The following ZNF420 variants were observed in gnomAD, a reference collection of about 807,000 sequenced individuals.
ZNF420 encodes ATM and p53-associated KZNF protein.
A neutral mutation model predicts 44.7 loss-of-function variants in ZNF420; 31 were observed. The ratio of observed to expected loss-of-function variants is 0.69; its 90% CI spans 0.52 to 0.94. The LOEUF (loss-of-function observed/expected upper bound fraction) is 0.94, where lower values mean the gene tolerates loss of function less well. ZNF420 is among the 40% of genes least tolerant of loss of function. ZNF420 has a pLI of 0.00. For missense variants in ZNF420, 681 were observed against 827.9 expected (o/e 0.82, Z 2.18); for synonymous variants, 245 against 267.4 (o/e 0.92, Z 0.82).
intron 4 of ZNF420, among the ~76,000 whole-genome samples, chr19:37,120,613 T>C (rs975739033): frequency 6.6e-6 from 1 of 152,102 alleles, no homozygotes; most frequent in Non-Finnish European, 1.5e-5. Context: ...AGTGTTGGAA[T>C]TTCTGGCCAG....
At position 37,069,061 on chromosome 19, in the gene ZNF420, T is replaced by G. The variant is rs1018894719; in HGVS notation, c.-124-11284T>G. ...ATAAAAGAGATACAATCAGTAAGAT[T>G]ATAGATTTCAACAAAAATTACAACT... On this transcript the variant is annotated intron_variant, in intron 1 of 4. Coordinates refer to the ZNF420 transcript ENST00000587029. Among the ~76,000 whole-genome samples the G allele has an allele frequency of 5.3e-5, 8 of 152,198 alleles. No homozygotes were observed. The East Asian group carries it at 1.5e-3, about 29-fold the overall frequency.
intron 4 of ZNF420, among the ~76,000 whole-genome samples, chr19:37,114,185 C>T (rs1041195818): frequency 6.6e-6 from 1 of 152,126 alleles, no homozygotes; most frequent in South Asian, 2.1e-4. Context: ...TTATGTAATG[C>T]ACTACCCTGT....
At chr19:37,096,105 T>C (rs1969439744) in intron 4 of ZNF420, 1 of 152,260 alleles carries the variant, frequency 6.6e-6, no homozygotes, top group Admixed American at 6.5e-5. Context: ...TGTTTCATTG[T>C]TATTCCTTTT....
At chr19:37,103,763 T>C (rs905930059) in intron 4 of ZNF420, among the ~76,000 whole-genome samples, 1 of 152,190 alleles carries the variant, frequency 6.6e-6, no homozygotes, top group African/African-American at 2.4e-5. Flanking sequence ...CTTTGTCTCT[T>C]CTAACATGAA....
chr19:37,044,663 C>T (rs982147742), intron 1 of ZNF420, among the ~76,000 whole-genome samples: 13 of 151,968 alleles, frequency 8.6e-5, no homozygotes, highest in African/African-American at 2.7e-4. Flanking sequence ...GTCAGGAGTT[C>T]GAGACCAGCC....
chr19:37,049,066 A>G (rs1267375784), intron 1 of ZNF420, among the ~76,000 whole-genome samples: 1 of 151,356 alleles, frequency 6.6e-6, no homozygotes, highest in East Asian at 1.9e-4. Context: ...TTATGGCTGC[A>G]TAGTATTCCA....
At chr19:37,076,563 T>C (rs1968159291), upstream of ZNF420, among the ~76,000 whole-genome samples, 1 of 152,120 alleles carries the variant, frequency 6.6e-6, no homozygotes, top group Admixed American at 6.5e-5. Context: ...GTGATGTTCC[T>C]TACCCTGTGT....
intron 1 of ZNF420, among the ~76,000 whole-genome samples, chr19:37,011,774 C>T (rs2074571060): frequency 6.6e-6 from 1 of 152,086 alleles, no homozygotes; most frequent in Non-Finnish European, 1.5e-5. Flanking sequence ...GACACACACT[C>T]ACCCCATCTG....
intron 4 of ZNF420, among the ~76,000 whole-genome samples, chr19:37,111,926 C>T (rs1042947676): frequency 6.6e-6 from 1 of 152,038 alleles, no homozygotes; most frequent in Non-Finnish European, 1.5e-5. Flanking sequence ...CATTTACGGC[C>T]CTTAAGTCAG....
At chr19:37,023,664 C>T (rs769494282) in intron 1 of ZNF420, among the ~76,000 whole-genome samples, 1 of 152,104 alleles carries the variant, frequency 6.6e-6, no homozygotes, top group Non-Finnish European at 1.5e-5. Context: ...CTGTGCCCAG[C>T]CCAAAAGAGG....
chr19:37,082,422 C>G (rs1968519534), intron 2 of ZNF420, among the ~76,000 whole-genome samples: 1 of 152,206 alleles, frequency 6.6e-6, no homozygotes, highest in South Asian at 2.1e-4. Flanking sequence ...GCCTCGGCCT[C>G]CCAAATTTCT....
intron 2 of ZNF420, among the ~76,000 whole-genome samples, chr19:37,087,226 A>T (rs933139111): frequency 1.3e-5 from 2 of 151,432 alleles, no homozygotes; most frequent in African/African-American, 4.8e-5. Context: ...TCAAGGTTAC[A>T]GTAAGCTATG....
At chr19:37,113,984 G>A (rs2055517067) in intron 4 of ZNF420, among the ~76,000 whole-genome samples, 1 of 152,046 alleles carries the variant, frequency 6.6e-6, no homozygotes, top group Non-Finnish European at 1.5e-5. Context: ...CTCATATAAG[G>A]GGAGTTGGGT....
intron 1 of ZNF420, among the ~76,000 whole-genome samples, chr19:37,020,688 TACAC>T (rs2074642142): frequency 6.6e-6 from 1 of 152,202 alleles, no homozygotes; most frequent in African/African-American, 2.4e-5. Context: ...ATGCAGTAAA[TACAC>T]ACAGTGCACA....
At chr19:37,014,413 C>T (rs2074594290) in intron 1 of ZNF420, among the ~76,000 whole-genome samples, 1 of 152,172 alleles carries the variant, frequency 6.6e-6, no homozygotes, top group African/African-American at 2.4e-5. Flanking sequence ...CGATTTCTGC[C>T]CATACCTTCC....
At chr19:37,037,790 T>C (rs535363218) in intron 1 of ZNF420, among the ~76,000 whole-genome samples, 1 of 152,326 alleles carries the variant, frequency 6.6e-6, no homozygotes, top group Admixed American at 6.5e-5. Flanking sequence ...TGAGCTATCA[T>C]GCCCAGCAAC....
chr19:37,108,943 T>A (rs957758370), intron 4 of ZNF420, among the ~76,000 whole-genome samples: 2 of 152,238 alleles, frequency 1.3e-5, no homozygotes, highest in African/African-American at 2.4e-5. Context: ...CTTCTGTGTC[T>A]TTTGATACCT....
intron 1 of ZNF420, among the ~76,000 whole-genome samples, chr19:37,049,076 A>G (rs1490250135): frequency 1.3e-5 from 2 of 152,062 alleles, no homozygotes; most frequent in Non-Finnish European, 2.9e-5. Context: ...ATAGTATTCC[A>G]TGGTGTATAT....
In ZNF420 at chr19:37,069,216, G is replaced by A. The variant is rs548558215; in HGVS notation, c.-124-11129G>A. The stretch of plus-strand genomic sequence containing the variant: ...CGTATTAGCCTATCGGGCAAATCTC[G>A]AAAACTTTCAAAGGACTAGTTTTAT... On this transcript the variant is annotated intron_variant, in intron 1 of 4. Transcript: ENST00000587029. Among the ~76,000 whole-genome samples the A allele has an allele frequency of 4.6e-5, 7 of 152,210 alleles. No homozygotes were observed. The South Asian group carries it at 1.0e-3, about 23-fold the overall frequency.
Sources: gnomAD v4.1 joint callset for allele counts (sites outside exome capture counted in the v4.1 genomes callset) on GRCh38, gnomAD v4.1.1 for gene constraint, MANE v1.5 for transcripts, NCBI Gene and HGNC (gene_info 2026-07-23, HGNC 2026-07-21) for gene names.